Variants in DPP10 observed in about 807,000 individuals in gnomAD.
The protein encoded by DPP10 is inactive dipeptidyl peptidase 10.
DPP10 carries 33 observed loss-of-function variants against 120.9 expected under a neutral mutation model. The ratio of observed to expected loss-of-function variants is 0.27; its 90% confidence interval spans 0.21 to 0.37. DPP10 has a LOEUF of 0.37. Among genes scored for constraint, DPP10 ranks in the 10% least tolerant of loss-of-function variants. The probability of loss-of-function intolerance (pLI) is 1.00; values close to 1 mark genes in which losing one functional copy is unlikely to be tolerated. For synonymous variants in DPP10, 337 were observed against 326.1 expected, an observed-to-expected ratio of 1.03 and a Z score of -0.36; for missense variants, 816 against 942.8, an observed-to-expected ratio of 0.87 and a Z score of 1.76.
intron 1 of DPP10, among the ~76,000 whole-genome samples, chr2:114,586,409 C>A (rs1160695616): frequency 6.6e-6 from 1 of 152,218 alleles, no homozygotes; most frequent in South Asian, 2.1e-4. Context: ...TGCGTCACGT[C>A]TTACTCACTG....
chr2:115,401,662 A>C (rs1404017921), intron 3 of DPP10, among the ~76,000 whole-genome samples: 1 of 152,176 alleles, frequency 6.6e-6, no homozygotes, highest in African/African-American at 2.4e-5. Context: ...GTAATGGTAA[A>C]ATACAATTAA....
At chr2:115,751,800 G>GT (rs1286583795) in intron 10 of DPP10, among the ~76,000 whole-genome samples, 3 of 94,396 alleles carry the variant, frequency 3.2e-5, no homozygotes, top group African/African-American at 6.1e-5. Context: ...TTTTTTTTTT[G>GT]TTGTTTTTTT....
chr2:114,979,951 TA>T (rs1699983077), intron 1 of DPP10, among the ~76,000 whole-genome samples: 4 of 152,156 alleles, frequency 2.6e-5, no homozygotes, highest in Non-Finnish European at 5.9e-5. Context: ...TCAGTTTCTA[TA>T]GTCTTTTGCA....
intron 8 of DPP10, among the ~76,000 whole-genome samples, chr2:115,734,485 G>A (rs552682534): frequency 3.3e-5 from 5 of 151,546 alleles, no homozygotes; most frequent in Admixed American, 6.6e-5. Context: ...GTAAAACCCC[G>A]TCTCTAATAA....
At chr2:114,594,382 A>ATG (rs1553467428) in intron 1 of DPP10, among the ~76,000 whole-genome samples, 1 of 149,816 alleles carries the variant, frequency 6.7e-6, no homozygotes, top group African/African-American at 2.4e-5. Flanking sequence ...ATATATATAT[A>ATG]TGTGTATATA....
In DPP10 at chr2:115,525,973, G is replaced by A. The variant is rs1397287182; in HGVS notation, c.441+1G>A. The A allele has an allele frequency of 1.2e-6, 2 of 1,603,150 alleles. No individual in the cohort carries two copies. The highest frequency in any genetic ancestry group is 1.3e-5 in the African/African-American group (1 of 74,378). ...CCTTCTGGCATATGATGTCAAACAGGTAAAGGAGTGATCTTCTTTGAGAAT... is the reference window on the plus strand; with the variant it reads ...CCTTCTGGCATATGATGTCAAACAGATAAAGGAGTGATCTTCTTTGAGAAT... On this transcript the variant is annotated splice_donor_variant, in intron 5 of 25. Coordinates refer to ENST00000410059, the MANE Select transcript of DPP10 (RefSeq NM_020868.6). LOFTEE classifies it high-confidence loss of function.
At chr2:114,499,520 T>G (rs1202184733) in intron 1 of DPP10, among the ~76,000 whole-genome samples, 3 of 152,156 alleles carry the variant, frequency 2.0e-5, no homozygotes, top group African/African-American at 7.2e-5. Context: ...TCTGCTGTTT[T>G]GGGACTGCGC....
intron 3 of DPP10, among the ~76,000 whole-genome samples, chr2:115,440,255 A>G (rs983772726): frequency 1.3e-5 from 2 of 152,164 alleles, no homozygotes; most frequent in Non-Finnish European, 2.9e-5. Context: ...AGGAAAAAAT[A>G]CATTTGTTTT....
chr2:115,282,890 A>G (rs774710179), intron 1 of DPP10, among the ~76,000 whole-genome samples: 4 of 152,192 alleles, frequency 2.6e-5, no homozygotes, highest in South Asian at 2.1e-4. Context: ...TCTTAGCTCA[A>G]TCTTTAAAAA....
intron 1 of DPP10, among the ~76,000 whole-genome samples, chr2:114,902,535 A>T (rs1240875005): frequency 6.7e-6 from 1 of 148,914 alleles, no homozygotes; most frequent in Admixed American, 6.6e-5. Flanking sequence ...TTTTCAAAGG[A>T]ATCGTGGCTA....
At chr2:115,718,760 T>C (rs2092569710) in intron 7 of DPP10, among the ~76,000 whole-genome samples, 1 of 152,082 alleles carries the variant, frequency 6.6e-6, no homozygotes, top group Non-Finnish European at 1.5e-5. Flanking sequence ...GCCTAGCACA[T>C]AGGAGGTGCC....
chr2:114,483,995 A>G (rs1681285848), intron 1 of DPP10, among the ~76,000 whole-genome samples: 1 of 152,136 alleles, frequency 6.6e-6, no homozygotes, highest in Non-Finnish European at 1.5e-5. Flanking sequence ...AAGTCACTGT[A>G]GACTTTTGAG....
chr2:115,215,377 A>C (rs979258177), intron 1 of DPP10, among the ~76,000 whole-genome samples: 3 of 152,202 alleles, frequency 2.0e-5, no homozygotes, highest in Admixed American at 2.0e-4. Flanking sequence ...AAAAAAGAAA[A>C]AATAAAATAG....
At chr2:115,524,158 C>G (rs1334544320) in intron 4 of DPP10, among the ~76,000 whole-genome samples, 1 of 152,058 alleles carries the variant, frequency 6.6e-6, no homozygotes, top group Non-Finnish European at 1.5e-5. Flanking sequence ...AGACTAATTA[C>G]CAGGAATTAG....
intron 1 of DPP10, among the ~76,000 whole-genome samples, chr2:114,792,171 G>A (rs36117532): frequency 0.03 from 4,552 of 152,108 alleles, 102 homozygotes; most frequent in South Asian, 0.083. Context: ...TTAATATTAT[G>A]AATAAATAAA....
intron 1 of DPP10, among the ~76,000 whole-genome samples, chr2:115,126,646 CTGTTCTTTT>C (rs2050097975): frequency 6.6e-6 from 1 of 152,096 alleles, no homozygotes; most frequent in African/African-American, 2.4e-5. Context: ...TGAAGTTCAA[CTGTTCTTTT>C]TGTTCTTGCT....
chr2:114,641,649 A>G (rs972305250), intron 1 of DPP10, among the ~76,000 whole-genome samples: 3 of 152,012 alleles, frequency 2.0e-5, no homozygotes, highest in African/African-American at 7.3e-5. Flanking sequence ...ACTTATAAGT[A>G]TTCTCTAATG....
At chr2:114,753,908 C>CAAAAAAAAAAAAAAAAAAAA (rs777798352) in intron 1 of DPP10, among the ~76,000 whole-genome samples, 1 of 33,766 alleles carries the variant, frequency 3.0e-5, no homozygotes. Flanking sequence ...GACTCCTTCT[C>CAAAAAAAAAAAAAAAAAAAA]AAAAAAAAAA....
At chr2:114,758,532 C>T (rs918493489) in intron 1 of DPP10, among the ~76,000 whole-genome samples, 1 of 152,092 alleles carries the variant, frequency 6.6e-6, no homozygotes, top group Non-Finnish European at 1.5e-5. Flanking sequence ...ATCAGAGGGC[C>T]AGGCCTATAT....
Sources: gnomAD v4.1 joint callset for allele counts (sites outside exome capture counted in the v4.1 genomes callset) on GRCh38, gnomAD v4.1.1 for gene constraint, MANE v1.5 for transcripts, NCBI Gene and HGNC (gene_info 2026-07-23, HGNC 2026-07-21) for gene names.